EDDM13: variants seen among roughly 807,000 people sequenced by gnomAD.
EDDM13 encodes epididymal protein 13.
Under a neutral mutation model 17.8 loss-of-function variants are expected in EDDM13, and 24 were observed. The ratio of observed to expected loss-of-function variants is 1.35; its 90% confidence interval spans 0.98 to 1.90. The LOEUF (loss-of-function observed/expected upper bound fraction) is 1.90. EDDM13 is among the 40% of genes most tolerant of loss of function. The pLI is 0.00. For missense variants in EDDM13, 97 were observed against 100.8 expected (o/e 0.96, Z 0.16); for synonymous variants, 31 against 37.5 (o/e 0.83, Z 0.63).
chr19:56,283,971 A>G (rs2038910346), intron 4 of EDDM13: 2 of 153,272 alleles, frequency 1.3e-5, no homozygotes, highest in Non-Finnish European at 2.9e-5. Context: ...CAAATGCACG[A>G]GGGTCCTCAA....
chr19:56,290,911 C>T (rs2039466026), intron 9 of EDDM13, among the ~76,000 whole-genome samples, 65 bp downstream of exon 9: 1 of 152,254 alleles, frequency 6.6e-6, no homozygotes, highest in African/African-American at 2.4e-5. Flanking sequence ...GAAGAGGCAA[C>T]TATCCAAAGA....
chr19:56,302,543 C>A (rs1486184083), intron 13 of EDDM13, among the ~76,000 whole-genome samples: 1 of 52,862 alleles, frequency 1.9e-5, no homozygotes, highest in South Asian at 1.1e-3. Context: ...TTCTTCCTCC[C>A]CGTTCCTCCC....
intron 2 of EDDM13, chr19:56,280,536 A>C (rs2038614722): frequency 6.6e-6 from 1 of 152,172 alleles, no homozygotes; most frequent in Admixed American, 6.5e-5. Context: ...TTTCTTTATC[A>C]TCTAGATATA....
At chr19:56,274,870 T>C (rs921526642) in intron 1 of EDDM13, 1 of 152,214 alleles carries the variant, frequency 6.6e-6, no homozygotes, top group African/African-American at 2.4e-5. Context: ...GTCCTTAGGA[T>C]GTGTGATTGA....
intron 6 of EDDM13, 110 bp downstream of exon 6, chr19:56,285,134 G>A (rs897008904): frequency 1.5e-5 from 6 of 408,052 alleles, no homozygotes; most frequent in Non-Finnish European, 2.0e-5. Context: ...AACACTTCAG[G>A]TATTATCCAA....
intron 14 of EDDM13, among the ~76,000 whole-genome samples, chr19:56,308,668 T>C (rs1221253308): frequency 2.0e-5 from 3 of 151,280 alleles, no homozygotes; most frequent in Non-Finnish European, 2.9e-5. Flanking sequence ...ACATTTTTTT[T>C]CCCGCTCCAT....
At chr19:56,286,634 T>C (rs1445173524) in intron 6 of EDDM13, 1 of 152,244 alleles carries the variant, frequency 6.6e-6, no homozygotes, top group African/African-American at 2.4e-5. Flanking sequence ...TGAAGGTTGT[T>C]CCCGCTGTTC....
chr19:56,296,800 G>A lies in EDDM13; in HGVS notation c.268+438G>A, dbSNP rs950993791. Among the ~76,000 whole-genome samples, 53 of 152,268 alleles carry A rather than the reference G, an allele frequency of 3.5e-4. 1 individual carries two copies. In the Middle Eastern group the frequency reaches 0.024, roughly 68 times the overall value. ...TGTAATCCCAGCACTTTGGGAGGCCGACGTGGGTGGATCACCTGAGGTCAG... is the reference window on the plus strand; with the variant it reads ...TGTAATCCCAGCACTTTGGGAGGCCAACGTGGGTGGATCACCTGAGGTCAG... On this transcript the variant is annotated intron_variant, in intron 11 of 14. Coordinates refer to ENST00000649256, the MANE Select transcript of EDDM13 (RefSeq NM_001354658.2).
intron 8 of EDDM13, among the ~76,000 whole-genome samples, chr19:56,289,848 A>G (rs991558087): frequency 6.6e-6 from 1 of 152,148 alleles, no homozygotes; most frequent in African/African-American, 2.4e-5. Flanking sequence ...TCTTGGGCTC[A>G]AGCAATCTTC....
rs1344121742 is a variant in EDDM13, at chr19:56,284,983, T to C, written c.128-15T>C. On this transcript the variant is annotated splice_polypyrimidine_tract_variant and intron_variant, in intron 5 of 14. Coordinates refer to ENST00000649256, the MANE Select transcript of EDDM13 (RefSeq NM_001354658.2). ...TGCTGCATTTGCACATCATGTGTTA[T>C]GTCTTCTTCCTCAGGTCTCATGAGC... 6 of 984,658 alleles carry C rather than the reference T, an allele frequency of 6.1e-6. No individual in the cohort carries two copies. In the African/African-American group the frequency reaches 7.0e-5, roughly 11 times the overall value. The allele number at this position is 984,658 out of a possible 1,614,324, so 61.0% of individuals were successfully genotyped here.
At chr19:56,286,384 G>A (rs536891706) in intron 6 of EDDM13, 4 of 151,830 alleles carry the variant, frequency 2.6e-5, no homozygotes, top group African/African-American at 7.3e-5. Flanking sequence ...TTTCACAGAC[G>A]GACTGAACCC....
chr19:56,294,489 A>AT (rs368273704), intron 9 of EDDM13, among the ~76,000 whole-genome samples: 8 of 151,462 alleles, frequency 5.3e-5, no homozygotes, highest in African/African-American at 7.3e-5. Context: ...ATCAATCAGC[A>AT]TTTTTTTTTC....
At chr19:56,279,557 C>T (rs1006715841) in intron 2 of EDDM13, among the ~76,000 whole-genome samples, 5 of 152,286 alleles carry the variant, frequency 3.3e-5, no homozygotes, top group South Asian at 2.1e-4. Context: ...TTTTCAAAAT[C>T]GTAAGTGTCC....
intron 2 of EDDM13, among the ~76,000 whole-genome samples, chr19:56,276,506 CTTT>C (rs3059506): frequency 1.4e-5 from 2 of 139,744 alleles, no homozygotes; most frequent in Non-Finnish European, 1.5e-5. Flanking sequence ...CTAAAGAGCT[CTTT>C]TTTTTTTTTT....
chr19:56,298,042 C>A (rs1411690482), intron 12 of EDDM13: 10 of 149,726 alleles, frequency 6.7e-5, no homozygotes, highest in African/African-American at 2.5e-4. Flanking sequence ...GCCACCGCAT[C>A]CGGCCTGGGT....
chr19:56,278,619 A>G (rs2038444824), intron 2 of EDDM13, among the ~76,000 whole-genome samples: 1 of 152,244 alleles, frequency 6.6e-6, no homozygotes, highest in Admixed American at 6.5e-5. Flanking sequence ...CAAATTTCTT[A>G]GGGGAATTAG....
intron 9 of EDDM13, among the ~76,000 whole-genome samples, chr19:56,294,300 C>G (rs745478809): frequency 7.2e-5 from 11 of 152,230 alleles, no homozygotes; most frequent in Non-Finnish European, 1.0e-4. Flanking sequence ...ACCCAGGATG[C>G]AAGTGGTTCG....
intron 14 of EDDM13, among the ~76,000 whole-genome samples, chr19:56,308,331 C>CTTTTT (rs543582885): frequency 1.4e-5 from 2 of 144,668 alleles, no homozygotes; most frequent in African/African-American, 2.6e-5. Flanking sequence ...GGCTCCCAGT[C>CTTTTT]TTTTTTTTTT....
chr19:56,300,053 G>A (rs1303181942), intron 12 of EDDM13: 2 of 152,154 alleles, frequency 1.3e-5, no homozygotes, highest in African/African-American at 4.8e-5. Context: ...ACCTTTGATT[G>A]GGAGGGTATA....
Sources: allele counts gnomAD v4.1 joint callset (sites outside exome capture counted in the v4.1 genomes callset), GRCh38; gene constraint gnomAD v4.1.1; transcripts MANE v1.5; gene names NCBI Gene and HGNC (gene_info 2026-07-23, HGNC 2026-07-21).